Variants in DNAH11 observed in about 807,000 individuals in gnomAD.
DNAH11 encodes the protein axonemal beta dynein heavy chain 11.
In DNAH11, 442 loss-of-function variants were observed where a neutral mutation model predicts 526.0. The ratio of observed to expected loss-of-function variants is 0.84; its 90% CI spans 0.78 to 0.91. The LOEUF (loss-of-function observed/expected upper bound fraction) is 0.91. Among genes scored for constraint, DNAH11 ranks in the 40% least tolerant of loss-of-function variants. The pLI, the probability that DNAH11 is intolerant of heterozygous loss-of-function variation, is 0.00. For synonymous variants in DNAH11, 2,461 were observed against 1,935.9 expected, an observed-to-expected ratio of 1.27 and a Z score of -7.12; for missense variants, 6,989 against 5,448.7, an observed-to-expected ratio of 1.28 and a Z score of -8.90.
At chr7:21,746,750 T>C (rs547905901) in intron 51 of DNAH11, among the ~76,000 whole-genome samples, 1 of 152,298 alleles carries the variant, frequency 6.6e-6, no homozygotes, top group East Asian at 1.9e-4. Context: ...AACTAACTGT[T>C]GGTAGTTTTA....
At chr7:21,873,091 C>CGTT (rs1554291177) in intron 73 of DNAH11, among the ~76,000 whole-genome samples, 183 bp from the exon 74 acceptor site, 1 of 132,990 alleles carries the variant, frequency 7.5e-6, no homozygotes, top group African/African-American at 2.7e-5. Context: ...TCCCTTTTGG[C>CGTT]TTTTTTTTTT....
In DNAH11 at chr7:21,827,364, G is replaced by A. The variant is rs181954243; in HGVS notation, c.10691+9025G>A. On this transcript the variant is annotated intron_variant, in intron 65 of 81. Transcript: ENST00000409508. ...CATATTAGAGAAGTTGCTGATCTGG[G>A]AAGCATCTTCATAAAATTCTCTTTA... is the stretch of plus-strand genomic sequence containing the variant. Among the ~76,000 whole-genome samples the A allele has an allele frequency of 2.0e-5, 3 of 152,132 alleles. No individual in the cohort carries two copies. The East Asian group carries it at 5.8e-4, about 29-fold the overall frequency.
chr7:21,763,352 A>AAAAAG (rs1554278428), intron 54 of DNAH11, among the ~76,000 whole-genome samples: 10 of 112,338 alleles, frequency 8.9e-5, no homozygotes, highest in African/African-American at 2.5e-4. Flanking sequence ...AAAAAAAAAA[A>AAAAAG]AAAAGAAAAA....
At chr7:21,658,679 G>C in intron 29 of DNAH11, 119 bp from the exon 30 acceptor site, 8 of 723,544 alleles carry the variant, frequency 1.1e-5, no homozygotes, top group Non-Finnish European at 1.7e-5. Context: ...TTTTCTACCT[G>C]GGTTTAAAAT....
At position 21,606,702 on chromosome 7, in the gene DNAH11, A is replaced by C. The variant is rs913756108; in HGVS notation, c.3821A>C (p.Asn1274Thr). ...AGACACTATGCCCCTCTTGGATTTA[A>C]TGCAGAAAATCCATACACAGCGCTT... ...RFRHYAPLGF[N>T]AENPYTALDK... Residue 1274 changes from asparagine (N) to threonine (T), a missense_variant, in exon 20 of 82, where the codon AAT becomes ACT. Coordinates refer to ENST00000409508, the MANE Select transcript of DNAH11 (RefSeq NM_001277115.2). The C allele has an allele frequency of 1.2e-6, 2 of 1,610,802 alleles. No individual in the cohort carries two copies. The highest frequency in any genetic ancestry group is 1.7e-5 in the Admixed American group (1 of 59,694).
intron 63 of DNAH11, among the ~76,000 whole-genome samples, chr7:21,809,426 C>G (rs951778707): frequency 6.6e-6 from 1 of 151,794 alleles, no homozygotes; most frequent in African/African-American, 2.4e-5. Flanking sequence ...TGGTCTTAAC[C>G]AAAAAATCTT....
intron 45 of DNAH11, among the ~76,000 whole-genome samples, chr7:21,731,989 G>C (rs1342850927): frequency 1.3e-5 from 2 of 152,092 alleles, no homozygotes; most frequent in Non-Finnish European, 2.9e-5. Flanking sequence ...CAGATATATA[G>C]GTATAGGAAA....
In DNAH11 at chr7:21,707,896, G is replaced by C. The variant is rs559585032; in HGVS notation, c.6683+61G>C. 183 of 1,497,316 alleles carry C rather than the reference G, an allele frequency of 1.2e-4. 2 individuals carry two copies. In the South Asian group the frequency reaches 2.5e-3, roughly 20 times the overall value. 92.8% of individuals were successfully genotyped at this position (1,497,316 alleles called of 1,614,324 possible). On this transcript the variant is annotated intron_variant, in intron 40 of 81. Coordinates refer to ENST00000409508, the MANE Select transcript of DNAH11 (RefSeq NM_001277115.2). The stretch of plus-strand genomic sequence containing the variant: ...TTTCTATCCAGAAAGCCGTTTTTCA[G>C]TACAAGCCAATTTTAGTCATAGTCG...
chr7:21,585,001 T>C (rs1784436765), intron 9 of DNAH11, among the ~76,000 whole-genome samples: 1 of 146,702 alleles, frequency 6.8e-6, no homozygotes, highest in Non-Finnish European at 1.5e-5. Context: ...CATTTTCAAT[T>C]CAAGTCTCTC....
At chr7:21,765,734 T>C (rs1268217378) in intron 55 of DNAH11, 145 bp downstream of exon 55, 4 of 1,193,290 alleles carry the variant, frequency 3.4e-6, no homozygotes, top group Non-Finnish European at 4.5e-6. Context: ...TTGTTTAAGA[T>C]GCTAAACTTA....
chr7:21,854,573 A>T, intron 68 of DNAH11, 118 bp downstream of exon 68: 4 of 1,113,220 alleles, frequency 3.6e-6, no homozygotes, highest in Non-Finnish European at 4.9e-6. Context: ...TTATTGAGAC[A>T]GAGTCTCACT....
intron 55 of DNAH11, among the ~76,000 whole-genome samples, chr7:21,767,789 A>G (rs1459411229): frequency 6.6e-6 from 1 of 152,176 alleles, no homozygotes. Context: ...ACAGCTTTTA[A>G]GTTTTTTGAA....
intron 2 of DNAH11, among the ~76,000 whole-genome samples, chr7:21,547,382 G>A (rs1220193041): frequency 6.6e-6 from 1 of 152,186 alleles, no homozygotes; most frequent in African/African-American, 2.4e-5. Context: ...TACAGCAGAA[G>A]CAAGACTTTT....
chr7:21,796,757 G>A (rs12671718), intron 61 of DNAH11, among the ~76,000 whole-genome samples: 3,978 of 152,184 alleles, frequency 0.026, 322 homozygotes, highest in East Asian at 0.17. Context: ...TTTGCCTCAT[G>A]GACTCTCTAA....
chr7:21,656,826 A>G (rs2128465328), intron 29 of DNAH11, among the ~76,000 whole-genome samples: 1 of 152,264 alleles, frequency 6.6e-6, no homozygotes, highest in Non-Finnish European at 1.5e-5. Context: ...AATCCTGCCA[A>G]ATGAAGGAGA....
chr7:21,616,223 T>C lies in DNAH11; in HGVS notation c.4026T>C (p.Asn1342=). The change falls in exon 22 of 82, where the codon AAT becomes AAC. Residue 1342 remains asparagine, a synonymous_variant. Transcript: ENST00000409508. ...VIIYVRRSID[N]WTKTQWRQIH... ...TGCGTTTTCAGAGAAGCATTGATAA[T>C]TGGACTAAAACCCAGTGGAGACAGA... The C allele has an allele frequency of 6.2e-7, 1 of 1,613,602 alleles. No individual in the cohort carries two copies. The highest frequency in any genetic ancestry group is 1.1e-5 in the South Asian group (1 of 91,000).
At chr7:21,856,217 A>G (rs1165835334) in intron 68 of DNAH11, among the ~76,000 whole-genome samples, 1 of 152,168 alleles carries the variant, frequency 6.6e-6, no homozygotes, top group African/African-American at 2.4e-5. Flanking sequence ...ACAAGAAGCC[A>G]TTGGAAGATT....
intron 36 of DNAH11, among the ~76,000 whole-genome samples, chr7:21,699,110 A>C (rs1326415826): frequency 6.6e-6 from 1 of 152,184 alleles, no homozygotes; most frequent in Non-Finnish European, 1.5e-5. Context: ...ATTTTCTAAT[A>C]AGATAGGGCA....
At chr7:21,581,301 G>C (rs1222559593) in intron 8 of DNAH11, among the ~76,000 whole-genome samples, 1 of 152,166 alleles carries the variant, frequency 6.6e-6, no homozygotes, top group Non-Finnish European at 1.5e-5. Flanking sequence ...GGAGTGGATA[G>C]TTATGTATCA....
Sources: gnomAD v4.1 joint callset for allele counts (sites outside exome capture counted in the v4.1 genomes callset) on GRCh38, gnomAD v4.1.1 for gene constraint, MANE v1.5 for transcripts, NCBI Gene and HGNC (gene_info 2026-07-23, HGNC 2026-07-21) for gene names.